The following FHIT variants were observed in gnomAD, a reference collection of about 807,000 sequenced individuals.
The protein encoded by FHIT is bis(5'-adenosyl)-triphosphatase.
Under a neutral mutation model 17.9 loss-of-function variants are expected in FHIT, and 19 were observed. The observed-to-expected ratio is 1.06, with a 90% confidence interval of 0.74 to 1.56. FHIT has a LOEUF of 1.56. FHIT is among the 40% of genes most tolerant of loss of function. The probability of loss-of-function intolerance (pLI) is 0.00; values close to 1 mark genes in which losing one functional copy is unlikely to be tolerated. For missense variants in FHIT, 248 were observed against 189.2 expected (o/e 1.31, Z -1.82); for synonymous variants, 81 against 69.7 (o/e 1.16, Z -0.81).
At chr3:60,025,925 A>G (rs773624590) in intron 5 of FHIT, among the ~76,000 whole-genome samples, 7 of 152,224 alleles carry the variant, frequency 4.6e-5, no homozygotes, top group Non-Finnish European at 1.0e-4. Context: ...AATGAACTGT[A>G]CTGCCAGAGT....
chr3:60,154,897 G>A (rs1251218153), intron 5 of FHIT, among the ~76,000 whole-genome samples: 1 of 152,092 alleles, frequency 6.6e-6, no homozygotes, highest in Non-Finnish European at 1.5e-5. Context: ...CACCAAGTTA[G>A]GTTGTTCAAG....
chr3:60,849,785 C>G (rs1553747716), intron 3 of FHIT, among the ~76,000 whole-genome samples: 1 of 152,020 alleles, frequency 6.6e-6, no homozygotes, highest in East Asian at 1.9e-4. Flanking sequence ...TGCTTTCTCT[C>G]TCTCTCCCTA....
chr3:60,660,919 T>C (rs1312655182), intron 4 of FHIT, among the ~76,000 whole-genome samples: 2 of 151,876 alleles, frequency 1.3e-5, no homozygotes, highest in Non-Finnish European at 2.9e-5. Context: ...AGCCTGTAAA[T>C]TGACTTTTCA....
chr3:60,481,704 C>CCTTTG (rs2033617209), intron 5 of FHIT, among the ~76,000 whole-genome samples: 1 of 152,132 alleles, frequency 6.6e-6, no homozygotes, highest in Non-Finnish European at 1.5e-5. Context: ...GAAACAAGTA[C>CCTTTG]CAGCTGCTGC....
At chr3:60,894,988 T>C (rs1705714391) in intron 3 of FHIT, among the ~76,000 whole-genome samples, 1 of 152,218 alleles carries the variant, frequency 6.6e-6, no homozygotes, top group Admixed American at 6.5e-5. Flanking sequence ...GTTGATAGAA[T>C]ACTATCTTAC....
Position 60,354,864 on chromosome 3 carries a change from T to C in FHIT, c.103+181996A>G, listed in dbSNP as rs146344487. Among the ~76,000 whole-genome samples the C allele has an allele frequency of 3.9e-5, 6 of 152,270 alleles. No homozygotes were observed. In the East Asian group the frequency reaches 1.2e-3, roughly 29 times the overall value. Reference sequence around the variant, plus strand: ...AGGGATCATAAAATTGGACTTGACTTTGAGGACAGGACTGGCTAAGCCAGG... The same window carrying C: ...AGGGATCATAAAATTGGACTTGACTCTGAGGACAGGACTGGCTAAGCCAGG... On this transcript the variant is annotated intron_variant, in intron 5 of 9. Transcript: ENST00000492590.
Position 60,721,123 on chromosome 3 carries a change from A to T in FHIT, c.-18+100796T>A, listed in dbSNP as rs192083614. Among the ~76,000 whole-genome samples, 240 of 148,568 alleles carry T rather than the reference A, an allele frequency of 1.6e-3. 2 individuals carry two copies. The highest frequency in any genetic ancestry group is 2.8e-3 in the Non-Finnish European group (189 of 66,784). Reference sequence around the variant, plus strand: ...GTGGGAGCAATTAATTCCTACTGCTAAAAAAAAAGGTGAGAACTCCTGAGT... The same window carrying T: ...GTGGGAGCAATTAATTCCTACTGCTTAAAAAAAAGGTGAGAACTCCTGAGT... On this transcript the variant is annotated intron_variant, in intron 4 of 9. Transcript: ENST00000492590.
intron 5 of FHIT, among the ~76,000 whole-genome samples, chr3:60,091,220 C>T (rs1576077715): frequency 6.6e-6 from 1 of 152,328 alleles, no homozygotes; most frequent in African/African-American, 2.4e-5. Flanking sequence ...TAAGAGCTCA[C>T]TCTTTCTGAA....
At chr3:60,537,098 A>G in intron 4 of FHIT, 119 bp from the exon 5 acceptor site, 1 of 782,286 alleles carries the variant, frequency 1.3e-6, no homozygotes, top group Non-Finnish European at 1.9e-6. Flanking sequence ...GATGCCATTG[A>G]AATTGTTCCT....
At chr3:60,465,073 C>A (rs1559936552) in intron 5 of FHIT, among the ~76,000 whole-genome samples, 1 of 151,944 alleles carries the variant, frequency 6.6e-6, no homozygotes, top group Non-Finnish European at 1.5e-5. Context: ...CTTCAATAAG[C>A]CATTTTAACT....
intron 2 of FHIT, among the ~76,000 whole-genome samples, chr3:61,087,183 A>C (rs1291595205): frequency 6.6e-6 from 1 of 152,116 alleles, no homozygotes; most frequent in African/African-American, 2.4e-5. Flanking sequence ...CACAAACAAT[A>C]TTCTATACAT....
rs970614472 is a variant in FHIT, at chr3:60,470,519, G to A, written c.103+66341C>T. On this transcript the variant is annotated intron_variant, in intron 5 of 9. Transcript: ENST00000492590. ...CCGGGCACATGGAGAGTATTGCCTG[G>A]CTACCAATGACATTCACTCGAGGTC... 2.0e-5 allele frequency among the ~76,000 whole-genome samples: 3 copies of A among 151,910 alleles called. No individual in the cohort carries two copies. The South Asian group carries it at 6.3e-4, about 32-fold the overall frequency.
chr3:60,610,999 A>C (rs1442968566), intron 4 of FHIT, among the ~76,000 whole-genome samples: 3 of 152,182 alleles, frequency 2.0e-5, no homozygotes, highest in Non-Finnish European at 2.9e-5. Flanking sequence ...GAGTCATCAC[A>C]GCTACTCTGA....
chr3:60,080,679 CGAGA>C (rs1703241077), intron 5 of FHIT: 2 of 151,996 alleles, frequency 1.3e-5, no homozygotes, highest in South Asian at 4.2e-4. Context: ...ATAAAGTCCC[CGAGA>C]AAGAAGAAAT....
intron 2 of FHIT, among the ~76,000 whole-genome samples, chr3:61,192,956 A>G (rs2038758018): frequency 6.6e-6 from 1 of 152,176 alleles, no homozygotes; most frequent in South Asian, 2.1e-4. Flanking sequence ...TCCTGTGTAT[A>G]CTGTTCCCTT....
intron 8 of FHIT, among the ~76,000 whole-genome samples, chr3:59,849,762 T>C (rs906739955): frequency 6.6e-6 from 1 of 152,186 alleles, no homozygotes; most frequent in African/African-American, 2.4e-5. Context: ...TTTTCAGAAA[T>C]AAATATGGGT....
intron 3 of FHIT, among the ~76,000 whole-genome samples, chr3:60,952,076 G>A (rs781961028): frequency 2.0e-5 from 3 of 151,656 alleles, no homozygotes; most frequent in Non-Finnish European, 4.4e-5. Flanking sequence ...TGAGGCAGGA[G>A]AATTGCTTAA....
In FHIT at chr3:61,005,078, A is replaced by G. The variant is rs76635967; in HGVS notation, c.-111+36969T>C. ...TGCAGCAGAGTGCTAAGCATTTGCTATATATCCCATCTTATTTCATTCTCC... is the reference window on the plus strand; with the variant it reads ...TGCAGCAGAGTGCTAAGCATTTGCTGTATATCCCATCTTATTTCATTCTCC... On this transcript the variant is annotated intron_variant, in intron 3 of 9. Coordinates refer to ENST00000492590, the MANE Select transcript of FHIT (RefSeq NM_002012.4). Among the ~76,000 whole-genome samples, 780 of 152,298 alleles carry G rather than the reference A, an allele frequency of 5.1e-3. 3 individuals carry two copies. Among genetic ancestry groups the G allele is most frequent in the Non-Finnish European group, 8.6e-3 (587 of 68,032 alleles).
At chr3:59,889,897 C>T (rs1307987770) in intron 8 of FHIT, among the ~76,000 whole-genome samples, 3 of 152,204 alleles carry the variant, frequency 2.0e-5, no homozygotes, top group East Asian at 1.9e-4. Flanking sequence ...TTTTCTTTTG[C>T]GAATGATATT....
Sources: gnomAD v4.1 joint callset for allele counts (sites outside exome capture counted in the v4.1 genomes callset) on GRCh38, gnomAD v4.1.1 for gene constraint, MANE v1.5 for transcripts, NCBI Gene and HGNC (gene_info 2026-07-23, HGNC 2026-07-21) for gene names.